The following MCC variants were observed in gnomAD, a reference collection of about 807,000 sequenced individuals.
MCC encodes the protein colorectal mutant cancer protein.
A neutral mutation model predicts 116.2 loss-of-function variants in MCC; 90 were observed. That is an observed-to-expected ratio of 0.77 (90% CI 0.65 to 0.92). The LOEUF is 0.92. Among genes scored for constraint, MCC ranks in the 40% least tolerant of loss-of-function variants. The pLI is 0.00. For missense variants in MCC, 1,516 were observed against 1,312.2 expected (o/e 1.16, Z -2.40); for synonymous variants, 578 against 510.5 (o/e 1.13, Z -1.78).
chr5:113,132,451 C>CATATAT (rs1405150950), intron 5 of MCC, among the ~76,000 whole-genome samples: 57 of 124,456 alleles, frequency 4.6e-4, no homozygotes, highest in South Asian at 7.4e-4. Flanking sequence ...TATACACACA[C>CATATAT]ACACACACAC....
At chr5:113,255,652 A>T (rs996762694) in intron 3 of MCC, among the ~76,000 whole-genome samples, 3 of 152,178 alleles carry the variant, frequency 2.0e-5, no homozygotes, top group Admixed American at 6.5e-5. Context: ...TCAAAGACCA[A>T]ATCTTTTACC....
chr5:113,133,452 G>A (rs192116820), intron 5 of MCC, among the ~76,000 whole-genome samples: 5 of 151,742 alleles, frequency 3.3e-5, no homozygotes, highest in Admixed American at 3.3e-4. Flanking sequence ...CATTCATGTT[G>A]CTGTGACAGG....
chr5:113,428,505 A>G (rs1182565287), intron 1 of MCC, among the ~76,000 whole-genome samples: 2 of 152,198 alleles, frequency 1.3e-5, no homozygotes, highest in East Asian at 3.8e-4. Context: ...ATATGAGGCT[A>G]CAAAGGCCTA....
chr5:113,336,818 A>G (rs1188398082), intron 3 of MCC, among the ~76,000 whole-genome samples: 1 of 152,224 alleles, frequency 6.6e-6, no homozygotes, highest in East Asian at 1.9e-4. Flanking sequence ...TGTGAACGGT[A>G]TGTTAAGCCT....
intron 2 of MCC, among the ~76,000 whole-genome samples, chr5:113,366,854 G>A (rs1027954480): frequency 6.6e-6 from 1 of 152,050 alleles, no homozygotes; most frequent in African/African-American, 2.4e-5. Context: ...CCAGGCTGGA[G>A]TGCAGTGGTG....
chr5:113,438,559 T>C (rs1580376180), intron 1 of MCC, among the ~76,000 whole-genome samples: 1 of 152,320 alleles, frequency 6.6e-6, no homozygotes, highest in Admixed American at 6.5e-5. Context: ...TGATTCCTGG[T>C]ATATCACCTC....
At chr5:113,183,020 A>G (rs1210094929) in intron 3 of MCC, among the ~76,000 whole-genome samples, 1 of 152,194 alleles carries the variant, frequency 6.6e-6, no homozygotes, top group African/African-American at 2.4e-5. Flanking sequence ...AAGGATTTCA[A>G]CAGGGAGGAA....
chr5:113,484,225 C>A (rs960190500), intron 1 of MCC, among the ~76,000 whole-genome samples: 1 of 151,992 alleles, frequency 6.6e-6, no homozygotes, highest in African/African-American at 2.4e-5. Context: ...CAAACCCCCA[C>A]GACACAAGTT....
At position 113,082,855 on chromosome 5, in the gene MCC, C is replaced by A. The variant is rs1754952590; in HGVS notation, c.1784+5G>T. 1 of 1,613,638 alleles carries A rather than the reference C, an allele frequency of 6.2e-7. No homozygotes were observed. Among genetic ancestry groups the A allele is most frequent in the Non-Finnish European group, 8.5e-7 (1 of 1,179,760 alleles). On this transcript the variant is annotated splice_donor_5th_base_variant and intron_variant, in intron 11 of 18. Transcript: ENST00000408903. The stretch of plus-strand genomic sequence containing the variant: ...CACAATCAAATCGATACGATCTCTC[C>A]TCACCTATTCAGCCGTTCTGTTTCC...
At chr5:113,188,885 A>T (rs914655106) in intron 3 of MCC, among the ~76,000 whole-genome samples, 1 of 152,248 alleles carries the variant, frequency 6.6e-6, no homozygotes, top group Non-Finnish European at 1.5e-5. Flanking sequence ...CTACAAAAAC[A>T]GAGCAAAGAG....
At chr5:113,246,648 G>T (rs1764588955) in intron 3 of MCC, among the ~76,000 whole-genome samples, 1 of 152,238 alleles carries the variant, frequency 6.6e-6, no homozygotes, top group Non-Finnish European at 1.5e-5. Flanking sequence ...TTTGTCTCCA[G>T]CTGTCAGCTT....
chr5:113,281,768 A>C (rs1766055381), intron 3 of MCC, among the ~76,000 whole-genome samples: 1 of 152,236 alleles, frequency 6.6e-6, no homozygotes, highest in Non-Finnish European at 1.5e-5. Flanking sequence ...TGAGACTCTC[A>C]GCATTCCTGC....
At chr5:113,265,224 T>A (rs999571947) in intron 3 of MCC, among the ~76,000 whole-genome samples, 1 of 152,186 alleles carries the variant, frequency 6.6e-6, no homozygotes, top group Admixed American at 6.5e-5. Context: ...GGCCCAAGTC[T>A]GCTATGCCTC....
At chr5:113,456,141 T>G (rs947224675) in intron 1 of MCC, among the ~76,000 whole-genome samples, 40 of 152,300 alleles carry the variant, frequency 2.6e-4, no homozygotes, top group Non-Finnish European at 5.3e-4. Flanking sequence ...GCCCCTGATC[T>G]TAACTCCCAG....
intron 3 of MCC, among the ~76,000 whole-genome samples, chr5:113,226,365 A>G (rs1763738977): frequency 6.6e-6 from 1 of 152,254 alleles, no homozygotes; most frequent in Non-Finnish European, 1.5e-5. Flanking sequence ...ATGGAGAAAA[A>G]TGAGATGTGC....
chr5:113,179,317 A>T (rs1761494549), intron 3 of MCC, among the ~76,000 whole-genome samples: 2 of 152,206 alleles, frequency 1.3e-5, no homozygotes, highest in South Asian at 4.1e-4. Context: ...ATGAGGATCA[A>T]CACTGCTTTA....
intron 3 of MCC, among the ~76,000 whole-genome samples, chr5:113,325,477 T>C (rs1053012936): frequency 6.0e-5 from 9 of 151,250 alleles, no homozygotes; most frequent in African/African-American, 2.2e-4. Flanking sequence ...GAAATAGAAA[T>C]TCTTCTCATG....
At chr5:113,435,216 C>T (rs544734122) in intron 1 of MCC, 51 of 209,640 alleles carry the variant, frequency 2.4e-4, no homozygotes, top group African/African-American at 1.0e-3. Flanking sequence ...GCTTCCAAAC[C>T]CAGAGCCAGG....
intron 1 of MCC, among the ~76,000 whole-genome samples, chr5:113,423,064 C>T (rs1401034205): frequency 2.0e-5 from 3 of 152,150 alleles, no homozygotes; most frequent in Admixed American, 6.5e-5. Flanking sequence ...AAATTTGAGT[C>T]GTCCAACACA....
Sources: allele counts gnomAD v4.1 joint callset (sites outside exome capture counted in the v4.1 genomes callset), GRCh38; gene constraint gnomAD v4.1.1; transcripts MANE v1.5; gene names NCBI Gene and HGNC (gene_info 2026-07-23, HGNC 2026-07-21).